Variants in DNAH10 observed in about 807,000 individuals in gnomAD.
DNAH10 encodes dynein axonemal heavy chain 10.
Under a neutral mutation model 506.6 loss-of-function variants are expected in DNAH10, and 348 were observed. That is an observed-to-expected ratio of 0.69 (90% CI 0.63 to 0.75). The LOEUF (loss-of-function observed/expected upper bound fraction) is 0.75, where lower values mean the gene tolerates loss of function less well. DNAH10 is among the 30% of genes least tolerant of loss of function. The pLI, the probability that DNAH10 is intolerant of heterozygous loss-of-function variation, is 0.00. For synonymous variants in DNAH10, 2,059 were observed against 2,198.6 expected (o/e 0.94, Z 1.78); for missense variants, 5,179 against 5,787.1 (o/e 0.89, Z 3.41).
Position 123,933,516 on chromosome 12 carries a change from C to G in DNAH10, c.13477+5C>G. 6.3e-7 allele frequency: 1 copy of G among 1,588,510 alleles called. No individual in the cohort carries two copies. Among genetic ancestry groups the G allele is most frequent in the South Asian group, 1.1e-5 (1 of 88,140 alleles). ...TGAATGAGCGGGCGGGACAAGGTAC[C>G]GTCAGCTCGTTAGGGATCCACAGCC... is the stretch of plus-strand genomic sequence containing the variant. On this transcript the variant is annotated splice_donor_5th_base_variant and intron_variant, in intron 77 of 78. Transcript: ENST00000673944.
At chr12:123,857,434 T>C (rs1007001336) in intron 37 of DNAH10, among the ~76,000 whole-genome samples, 187 bp downstream of exon 37, 4 of 152,284 alleles carry the variant, frequency 2.6e-5, no homozygotes, top group South Asian at 4.1e-4. Flanking sequence ...TACTTTTAAA[T>C]GTAGAGTTTG....
rs371362994 is a variant in DNAH10, at chr12:123,887,167, G to A, written c.8849G>A (p.Gly2950Asp). ...GTGTTTGAGATCCTGCTGAGCCGAG[G>A]CTACTCGGAGAACAGTTTCCGGGAA... ...CEVFEILLSR[G>D]YSENSFREDL... is the part of the protein sequence containing the mutation. Residue 2950 changes from glycine to aspartate, a missense_variant, in exon 52 of 79, where the codon GGC becomes GAC. Physicochemically the swap from Gly to Asp is moderately conservative, Grantham distance 94. Coordinates refer to ENST00000673944, the MANE Select transcript of DNAH10 (RefSeq NM_001372106.1). 6.9e-4 allele frequency: 1,117 copies of A among 1,611,292 alleles called. 15 individuals carry two copies. The South Asian group carries it at 9.3e-3, about 13-fold the overall frequency.
intron 55 of DNAH10, 78 bp from the exon 56 acceptor site, chr12:123,898,575 G>A: frequency 1.4e-6 from 2 of 1,417,242 alleles, no homozygotes; most frequent in Non-Finnish European, 9.3e-7. Context: ...TTGATAAGCT[G>A]AAGTTAGGCA....
chr12:123,797,228 G>A (rs1404491236), intron 13 of DNAH10, among the ~76,000 whole-genome samples: 1 of 152,144 alleles, frequency 6.6e-6, no homozygotes, highest in Non-Finnish European at 1.5e-5. Flanking sequence ...TCCAGGAGAA[G>A]CATTAGATCA....
At chr12:123,924,129 C>A in intron 66 of DNAH10, 149 bp from the exon 67 acceptor site, 1 of 1,087,874 alleles carries the variant, frequency 9.2e-7, no homozygotes, top group Non-Finnish European at 1.3e-6. Context: ...GTGTCACTGG[C>A]GGTGACGAGG....
At chr12:123,778,752 T>A (rs1490812578) in intron 5 of DNAH10, among the ~76,000 whole-genome samples, 4 of 152,152 alleles carry the variant, frequency 2.6e-5, no homozygotes, top group East Asian at 1.9e-4. Context: ...AACATTTTTT[T>A]AAGAGACACA....
chr12:123,767,506 C>A, intron 1 of DNAH10, 100 bp from the exon 2 acceptor site: 1 of 1,153,474 alleles, frequency 8.7e-7, no homozygotes, highest in Non-Finnish European at 1.2e-6. Context: ...CTGTGGGCCA[C>A]ATACCAACCC....
intron 6 of DNAH10, 75 bp downstream of exon 6, chr12:123,781,374 C>A: frequency 7.4e-7 from 1 of 1,353,520 alleles, no homozygotes; most frequent in South Asian, 1.4e-5. Context: ...TGCATGCCAC[C>A]ATGCCTGGCT....
At chr12:123,929,636 A>G (rs892178331) in intron 71 of DNAH10, 28 bp from the exon 72 acceptor site, 2 of 1,602,758 alleles carry the variant, frequency 1.2e-6, no homozygotes, top group South Asian at 1.1e-5. Flanking sequence ...GGGTTTCAGT[A>G]TAACTGAGCG....
At chr12:123,810,363 G>C (rs977934731) in intron 19 of DNAH10, among the ~76,000 whole-genome samples, 3 of 152,160 alleles carry the variant, frequency 2.0e-5, no homozygotes, top group Non-Finnish European at 4.4e-5. Context: ...ATCAGAATAG[G>C]GAATTTCATT....
intron 43 of DNAH10, among the ~76,000 whole-genome samples, chr12:123,868,705 A>G (rs115343299): frequency 3.6e-3 from 552 of 152,350 alleles, no homozygotes; most frequent in African/African-American, 0.012. Flanking sequence ...TCTTATTGCT[A>G]TTCGAGCATG....
intron 57 of DNAH10, among the ~76,000 whole-genome samples, chr12:123,908,788 C>T (rs558245834): frequency 3.3e-5 from 5 of 152,236 alleles, no homozygotes; most frequent in Admixed American, 2.6e-4. Context: ...GGTGTCAGCA[C>T]AGCCAGTCAT....
intron 59 of DNAH10, among the ~76,000 whole-genome samples, chr12:123,910,936 G>A (rs1333963869): frequency 6.6e-6 from 1 of 152,032 alleles, no homozygotes; most frequent in Non-Finnish European, 1.5e-5. Context: ...ACCAGGCGTG[G>A]TAGCTCATGC....
intron 45 of DNAH10, among the ~76,000 whole-genome samples, chr12:123,872,070 C>T (rs750056468): frequency 6.6e-6 from 1 of 152,096 alleles, no homozygotes; most frequent in Non-Finnish European, 1.5e-5. Flanking sequence ...GGGACCTGCA[C>T]CAGGGCATGG....
chr12:123,822,890 G>A (rs1227832287), intron 24 of DNAH10, among the ~76,000 whole-genome samples: 1 of 152,228 alleles, frequency 6.6e-6, no homozygotes, highest in Non-Finnish European at 1.5e-5. Flanking sequence ...GGCCATCCAT[G>A]TTGGGGAGGG....
rs942552785 is a variant in DNAH10, at chr12:123,903,433, C to T, written c.9815+320C>T. 5.9e-5 allele frequency among the ~76,000 whole-genome samples: 9 copies of T among 152,176 alleles called. No homozygotes were observed. The highest frequency in any genetic ancestry group is 2.0e-4 in the Admixed American group (3 of 15,282). On this transcript the variant is annotated intron_variant, in intron 57 of 78. Transcript: ENST00000673944. This position sits in a 1 kb window ranked among gnomAD's most constrained non-coding sequence, Gnocchi z 4.6. ...CACGGAACATGCGGGGGCAAGTGTC[C>T]GCCCTAAGCAGGGGCAGGATGCTCA...
Position 123,926,859 on chromosome 12 carries a change from G to C in DNAH10, c.12105+39G>C. Reference sequence around the variant, plus strand: ...GAAAGGAACAAGCTCTACGTTTAGGGGAGGTCCCTGGTGTCTGCTAAGAAG... The same window carrying C: ...GAAAGGAACAAGCTCTACGTTTAGGCGAGGTCCCTGGTGTCTGCTAAGAAG... On this transcript the variant is annotated intron_variant, in intron 69 of 78. Coordinates refer to ENST00000673944, the MANE Select transcript of DNAH10 (RefSeq NM_001372106.1). This position sits in a 1 kb window ranked among gnomAD's most constrained non-coding sequence, Gnocchi z 4.1. The C allele has an allele frequency of 6.2e-7, 1 of 1,605,282 alleles. No individual in the cohort carries two copies. The highest frequency in any genetic ancestry group is 8.5e-7 in the Non-Finnish European group (1 of 1,177,486).
intron 51 of DNAH10, among the ~76,000 whole-genome samples, chr12:123,886,567 A>G (rs1403051898): frequency 6.6e-6 from 1 of 151,932 alleles, no homozygotes; most frequent in Non-Finnish European, 1.5e-5. Flanking sequence ...GAGTGTGAAC[A>G]TGTGGGAATG....
intron 18 of DNAH10, among the ~76,000 whole-genome samples, chr12:123,807,354 G>C (rs756845443): frequency 6.6e-6 from 1 of 152,178 alleles, no homozygotes; most frequent in Admixed American, 6.5e-5. Context: ...CAGGGAAACA[G>C]ACATAAAAGA....
Sources: allele counts gnomAD v4.1 joint callset (sites outside exome capture counted in the v4.1 genomes callset), GRCh38; gene constraint gnomAD v4.1.1; non-coding constraint Gnocchi (gnomAD v3.1); transcripts MANE v1.5; gene names NCBI Gene and HGNC (gene_info 2026-07-23, HGNC 2026-07-21).